The following SLC7A9 variants were observed in gnomAD, a reference collection of about 807,000 sequenced individuals.
The protein encoded by SLC7A9 is B(0,+)-type amino acid transporter 1.
A neutral mutation model predicts 54.1 loss-of-function variants in SLC7A9; 38 were observed. The ratio of observed to expected loss-of-function variants is 0.70; its 90% CI spans 0.54 to 0.92. The LOEUF (loss-of-function observed/expected upper bound fraction) is 0.92, where lower values mean the gene tolerates loss of function less well. Among genes scored for constraint, SLC7A9 ranks in the 40% least tolerant of loss-of-function variants. SLC7A9 has a pLI of 0.00. For synonymous variants in SLC7A9, 264 were observed against 258.9 expected (o/e 1.02, Z -0.19); for missense variants, 537 against 636.1 (o/e 0.84, Z 1.68).
intron 11 of SLC7A9, 152 bp from the exon 12 acceptor site, chr19:32,833,475 A>G: frequency 3.5e-6 from 3 of 847,748 alleles, no homozygotes; most frequent in Non-Finnish European, 3.8e-6. Flanking sequence ...TATTTCATCT[A>G]TACCTTTTAA....
chr19:32,841,136 G>C (rs181812700), intron 11 of SLC7A9, among the ~76,000 whole-genome samples: 1 of 152,298 alleles, frequency 6.6e-6, no homozygotes, highest in Admixed American at 6.5e-5. Flanking sequence ...ACCACTGGAT[G>C]TATCTCTGAA....
rs371169328 is a variant in SLC7A9 at position 32,862,540 on chromosome 19, G to A, written c.525C>T (p.Tyr175=). The change falls in exon 5 of 13, where the codon TAC becomes TAT. Residue 175 remains tyrosine, a synonymous_variant. Coordinates refer to ENST00000023064, the MANE Select transcript of SLC7A9 (RefSeq NM_014270.5). ...VNSLSVRLGS[Y]VQNIFTAAKL... ...TGGCCGCGGTGAAGATGTTCTGGACGTAGCTTCCCAGCCGCACGCTCAGTG... is the reference window on the plus strand; with the variant it reads ...TGGCCGCGGTGAAGATGTTCTGGACATAGCTTCCCAGCCGCACGCTCAGTG... The A allele has an allele frequency of 3.7e-5, 59 of 1,613,914 alleles. No homozygotes were observed. Among genetic ancestry groups the A allele is most frequent in the Middle Eastern group, 1.7e-4 (1 of 5,848 alleles).
chr19:32,841,806 C>T (rs1458880887), intron 11 of SLC7A9, among the ~76,000 whole-genome samples: 4 of 152,116 alleles, frequency 2.6e-5, no homozygotes, highest in African/African-American at 9.7e-5. Context: ...ACTTGGGAAG[C>T]TGAAGCAGGA....
intron 11 of SLC7A9, among the ~76,000 whole-genome samples, chr19:32,837,540 A>G (rs995012008): frequency 9.9e-5 from 15 of 152,084 alleles, no homozygotes; most frequent in African/African-American, 3.6e-4. Flanking sequence ...TTCCCAACCA[A>G]AAAACAGTAA....
rs777239429 is a variant in SLC7A9, at chr19:32,859,888, T to C, written c.826A>G (p.Thr276Ala). 5 of 1,614,050 alleles carry C rather than the reference T, an allele frequency of 3.1e-6. No homozygotes were observed. The highest frequency in any genetic ancestry group is 4.2e-6 in the Non-Finnish European group (5 of 1,180,016). The stretch of plus-strand genomic sequence containing the variant: ...AGGAGTTCGGTGGCAGTCATCACGG[T>C]GAAGTAGGACACGTTCATGAGGATG... The part of the protein sequence containing the change: ...CYILMNVSYF[T>A]VMTATELLQS... The change falls in exon 8 of 13, where the codon ACC becomes GCC. Residue 276 changes from threonine (T) to alanine (A), a missense_variant. Physicochemically the swap from Thr to Ala is moderately conservative, Grantham distance 58. Coordinates refer to ENST00000023064, the MANE Select transcript of SLC7A9 (RefSeq NM_014270.5).
Position 32,868,578 on chromosome 19 carries a change from G to T in SLC7A9, c.-44C>A. 6.5e-7 allele frequency: 1 copy of T among 1,532,210 alleles called. No homozygotes were observed. Among genetic ancestry groups the T allele is most frequent in the Non-Finnish European group, 9.0e-7 (1 of 1,105,752 alleles). 94.9% of individuals were successfully genotyped at this position (1,532,210 alleles called of 1,614,324 possible). On this transcript the variant is annotated 5_prime_UTR_variant, in exon 2 of 13. In the 5' UTR this introduces an upstream ATG that the reference lacks. Coordinates refer to ENST00000023064, the MANE Select transcript of SLC7A9 (RefSeq NM_014270.5). The stretch of plus-strand genomic sequence containing the variant: ...CAGGAGACTGCAAGGAGGGCGCACA[G>T]CTAAATCTTGGTTCAGCAGCAGCAG...
intron 9 of SLC7A9, among the ~76,000 whole-genome samples, chr19:32,855,171 T>TTATG (rs1968581954): frequency 6.6e-6 from 1 of 152,194 alleles, no homozygotes; most frequent in Admixed American, 6.5e-5. Flanking sequence ...CTAGAGAACA[T>TTATG]TATGCTAAGT....
chr19:32,830,923 G>A (rs1870267477), intron 12 of SLC7A9, among the ~76,000 whole-genome samples: 1 of 152,128 alleles, frequency 6.6e-6, no homozygotes. Flanking sequence ...CCGGAGGGAC[G>A]ACTGCACTTT....
chr19:32,832,835 G>A (rs535373393), intron 12 of SLC7A9: 6 of 324,794 alleles, frequency 1.8e-5, no homozygotes, highest in Non-Finnish European at 3.0e-5. Context: ...CTTGAGCCCG[G>A]GAGTTCAAGA....
chr19:32,864,054 G>C, intron 4 of SLC7A9, 42 bp downstream of exon 4: 1 of 1,612,746 alleles, frequency 6.2e-7, no homozygotes, highest in Non-Finnish European at 8.5e-7. Flanking sequence ...CACCCTCTGT[G>C]CCAGGTCTTT....
At chr19:32,857,341 G>A (rs1968657319) in intron 9 of SLC7A9, among the ~76,000 whole-genome samples, 1 of 151,954 alleles carries the variant, frequency 6.6e-6, no homozygotes, top group African/African-American at 2.4e-5. Context: ...CTATTCCAGA[G>A]GCTGAGGAGG....
At chr19:32,847,946 A>C (rs2145819955) in intron 9 of SLC7A9, among the ~76,000 whole-genome samples, 2 of 152,290 alleles carry the variant, frequency 1.3e-5, no homozygotes, top group Middle Eastern at 3.4e-3. Context: ...AAGCTTCATA[A>C]GTGAAGGAGA....
chr19:32,845,307 C>T (rs7255864), intron 9 of SLC7A9, among the ~76,000 whole-genome samples: 24,786 of 152,028 alleles, frequency 0.16, 2,397 homozygotes, highest in East Asian at 0.51. Context: ...CCAGCCTAAC[C>T]AACATGGGGA....
chr19:32,868,531 C>T lies in SLC7A9; in HGVS notation c.4G>A (p.Gly2Arg), dbSNP rs777753520. M[G>R]DTGLRKRRED... ...CTCCGCTTTCTCAGGCCAGTATCCC[C>T]CATGTTTCCTCCTGCTGGTTCCAGG... Residue 2 changes from glycine (G) to arginine (R), a missense_variant, in exon 2 of 13, where the codon GGG becomes AGG. By Grantham distance (125) the Gly-to-Arg change is moderately radical. Coordinates refer to ENST00000023064, the MANE Select transcript of SLC7A9 (RefSeq NM_014270.5). The T allele has an allele frequency of 6.2e-7, 1 of 1,613,890 alleles. No individual in the cohort carries two copies. Among genetic ancestry groups the T allele is most frequent in the South Asian group, 1.1e-5 (1 of 91,072 alleles).
chr19:32,837,153 G>A (rs935119426), intron 11 of SLC7A9, among the ~76,000 whole-genome samples: 1 of 151,998 alleles, frequency 6.6e-6, no homozygotes, highest in Non-Finnish European at 1.5e-5. Flanking sequence ...ATGTTCTATG[G>A]AAGAACCCCC....
intron 9 of SLC7A9, among the ~76,000 whole-genome samples, chr19:32,850,344 CA>C (rs1175647576): frequency 6.7e-6 from 1 of 149,288 alleles, no homozygotes; most frequent in Non-Finnish European, 1.5e-5. Flanking sequence ...TCTCAGGATA[CA>C]AAATCAATGT....
At chr19:32,853,402 G>GT (rs1968526516) in intron 9 of SLC7A9, among the ~76,000 whole-genome samples, 1 of 152,146 alleles carries the variant, frequency 6.6e-6, no homozygotes, top group Non-Finnish European at 1.5e-5. Context: ...AAATAATTGA[G>GT]TTGTATAATT....
chr19:32,837,429 G>A (rs1381225054), intron 11 of SLC7A9, among the ~76,000 whole-genome samples: 1 of 150,280 alleles, frequency 6.7e-6, no homozygotes, highest in Admixed American at 6.7e-5. Flanking sequence ...TGGGAGGCAC[G>A]GTTGCAGTGA....
intron 12 of SLC7A9, chr19:32,832,789 GT>G (rs1014123552): frequency 4.3e-5 from 13 of 302,922 alleles, no homozygotes; most frequent in Admixed American, 2.2e-4. Flanking sequence ...TGTGCCTGTG[GT>G]CCCAGCTACT....
Sources: allele counts gnomAD v4.1 joint callset (sites outside exome capture counted in the v4.1 genomes callset), GRCh38; gene constraint gnomAD v4.1.1; transcripts MANE v1.5; gene names NCBI Gene and HGNC (gene_info 2026-07-23, HGNC 2026-07-21).